The following ZFAND3 variants were observed in gnomAD, a reference collection of about 807,000 sequenced individuals.
ZFAND3 encodes AN1-type zinc finger protein 3.
Under a neutral mutation model 29.6 loss-of-function variants are expected in ZFAND3, and 10 were observed. That is an observed-to-expected ratio of 0.34 (90% confidence interval 0.21 to 0.57). The LOEUF is 0.57. Among genes scored for constraint, ZFAND3 ranks in the 20% least tolerant of loss-of-function variants. The pLI, the probability that ZFAND3 is intolerant of heterozygous loss-of-function variation, is 0.86. For missense variants in ZFAND3, 230 were observed against 304.5 expected (o/e 0.76, Z 1.82); for synonymous variants, 128 against 112.6 (o/e 1.14, Z -0.87).
intron 3 of ZFAND3, among the ~76,000 whole-genome samples, chr6:38,069,527 T>C (rs763077057): frequency 1.2e-4 from 18 of 152,252 alleles, no homozygotes; most frequent in Non-Finnish European, 2.4e-4. Flanking sequence ...GGTGTTTTTT[T>C]CCCCAGTGCA....
chr6:38,041,162 G>A (rs1164935975), intron 2 of ZFAND3, among the ~76,000 whole-genome samples: 2 of 152,042 alleles, frequency 1.3e-5, no homozygotes, highest in South Asian at 2.1e-4. Flanking sequence ...TTGAAATTAC[G>A]CATTTTAGGG....
chr6:37,979,898 C>T (rs1449427710), intron 2 of ZFAND3, among the ~76,000 whole-genome samples: 1 of 152,230 alleles, frequency 6.6e-6, no homozygotes, highest in African/African-American at 2.4e-5. Flanking sequence ...ATTAGCAGGG[C>T]CCAGTGTAAA....
At chr6:38,062,103 G>T (rs922685289) in intron 3 of ZFAND3, among the ~76,000 whole-genome samples, 1 of 152,168 alleles carries the variant, frequency 6.6e-6, no homozygotes, top group Non-Finnish European at 1.5e-5. Flanking sequence ...TTGATCTGGA[G>T]GGAGGCCCAG....
chr6:37,854,075 C>T (rs891871443), intron 1 of ZFAND3, among the ~76,000 whole-genome samples: 5 of 152,072 alleles, frequency 3.3e-5, no homozygotes, highest in African/African-American at 1.2e-4. Context: ...CCTCAGCCTC[C>T]CGAGTAGCTG....
At chr6:38,109,243 C>T (rs897202364) in intron 4 of ZFAND3, among the ~76,000 whole-genome samples, 18 of 146,344 alleles carry the variant, frequency 1.2e-4, no homozygotes, top group African/African-American at 2.8e-4. Flanking sequence ...AGTGCAATGG[C>T]GCGATCTTGG....
intron 2 of ZFAND3, among the ~76,000 whole-genome samples, chr6:37,988,854 T>C (rs930073775): frequency 6.6e-6 from 1 of 152,142 alleles, no homozygotes; most frequent in African/African-American, 2.4e-5. Context: ...GTGGTGTGCT[T>C]GTTCGCATGT....
At chr6:38,137,483 A>G (rs539673285) in intron 5 of ZFAND3, among the ~76,000 whole-genome samples, 2 of 152,298 alleles carry the variant, frequency 1.3e-5, no homozygotes, top group Admixed American at 6.5e-5. Flanking sequence ...TGCTGACTCT[A>G]TTTATTTATT....
intron 2 of ZFAND3, among the ~76,000 whole-genome samples, chr6:37,946,549 A>C (rs1761905118): frequency 6.6e-6 from 1 of 152,178 alleles, no homozygotes; most frequent in African/African-American, 2.4e-5. Context: ...TCAATAGTTT[A>C]AAATTGTGAC....
intron 2 of ZFAND3, among the ~76,000 whole-genome samples, chr6:38,009,378 T>C (rs933248537): frequency 1.2e-4 from 19 of 152,336 alleles, no homozygotes; most frequent in African/African-American, 3.8e-4. Flanking sequence ...TTCTTTCTAC[T>C]GACCAGCAAG....
chr6:37,913,765 C>T (rs1443339511), intron 1 of ZFAND3, among the ~76,000 whole-genome samples: 1 of 141,892 alleles, frequency 7.0e-6, no homozygotes, highest in Non-Finnish European at 1.5e-5. Context: ...GGCTGGAGTG[C>T]AATGGTGTGA....
At chr6:38,103,434 T>TAC (rs1491031095) in intron 4 of ZFAND3, among the ~76,000 whole-genome samples, 1 of 66,740 alleles carries the variant, frequency 1.5e-5, no homozygotes, top group Non-Finnish European at 2.9e-5. Flanking sequence ...CACATATATA[T>TAC]ACACGTGTAT....
At chr6:38,125,411 G>A (rs1765616068) in intron 5 of ZFAND3, among the ~76,000 whole-genome samples, 1 of 152,086 alleles carries the variant, frequency 6.6e-6, no homozygotes, top group South Asian at 2.1e-4. Flanking sequence ...TCTTTGACAG[G>A]GCTGTAGAGA....
intron 3 of ZFAND3, among the ~76,000 whole-genome samples, chr6:38,078,273 A>G (rs1015249322): frequency 3.9e-5 from 6 of 152,206 alleles, no homozygotes; most frequent in African/African-American, 1.4e-4. Context: ...AAACATCCCT[A>G]GAAGAAAAGG....
At chr6:37,880,825 C>G (rs1167525510) in intron 1 of ZFAND3, among the ~76,000 whole-genome samples, 2 of 128,218 alleles carry the variant, frequency 1.6e-5, no homozygotes, top group Non-Finnish European at 1.5e-5. Context: ...ATCACATGGA[C>G]ACAGGAAGGG....
At chr6:37,913,259 C>A (rs535045047) in intron 1 of ZFAND3, among the ~76,000 whole-genome samples, 1 of 152,166 alleles carries the variant, frequency 6.6e-6, no homozygotes, top group African/African-American at 2.4e-5. Context: ...CACAGTAGAA[C>A]TTCTTTCAGA....
chr6:38,062,016 A>G lies in ZFAND3; in HGVS notation c.295+241A>G, dbSNP rs150928804. On this transcript the variant is annotated intron_variant, in intron 3 of 5. Coordinates refer to ENST00000287218, the MANE Select transcript of ZFAND3 (RefSeq NM_021943.3). ...GTCTAGAGAGCAGTGGCTCTCACCTATGTCTGCACATTAGAATCCACTGGG... is the reference window on the plus strand; with the variant it reads ...GTCTAGAGAGCAGTGGCTCTCACCTGTGTCTGCACATTAGAATCCACTGGG... Among the ~76,000 whole-genome samples the G allele has an allele frequency of 5.8e-3, 882 of 152,330 alleles. 8 individuals are homozygous for G. Among genetic ancestry groups the G allele is most frequent in the African/African-American group, 0.017 (712 of 41,576 alleles).
intron 3 of ZFAND3, among the ~76,000 whole-genome samples, chr6:38,074,978 C>A (rs954314428): frequency 8.5e-5 from 13 of 152,288 alleles, no homozygotes; most frequent in Admixed American, 7.8e-4. Flanking sequence ...TTTAAGCCTA[C>A]TGTATAGACC....
At chr6:38,141,178 A>C (rs1562014404) in intron 5 of ZFAND3, among the ~76,000 whole-genome samples, 1 of 152,216 alleles carries the variant, frequency 6.6e-6, no homozygotes, top group Admixed American at 6.5e-5. Context: ...CAAGCACATA[A>C]AACAAGTGCA....
At chr6:38,049,912 C>G (rs1358769234) in intron 2 of ZFAND3, among the ~76,000 whole-genome samples, 1 of 135,932 alleles carries the variant, frequency 7.4e-6, no homozygotes, top group Non-Finnish European at 1.6e-5. Flanking sequence ...ACACCCACCC[C>G]GTCTTCATTC....
Sources: gnomAD v4.1 joint callset for allele counts (sites outside exome capture counted in the v4.1 genomes callset) on GRCh38, gnomAD v4.1.1 for gene constraint, MANE v1.5 for transcripts, NCBI Gene and HGNC (gene_info 2026-07-23, HGNC 2026-07-21) for gene names.